SEPTIN14: variants seen among roughly 807,000 people sequenced by gnomAD.
SEPTIN14 encodes the protein septin 14.
In SEPTIN14, 40 loss-of-function variants were observed where a neutral mutation model predicts 53.6. The observed-to-expected ratio is 0.75, with a 90% CI of 0.58 to 0.97. The LOEUF is 0.97. Ranked by LOEUF, SEPTIN14 falls within the 50% of genes least tolerant of loss-of-function variation. The probability of loss-of-function intolerance (pLI) is 0.00; values close to 1 mark genes in which losing one functional copy is unlikely to be tolerated. For synonymous variants in SEPTIN14, 138 were observed against 166.8 expected, an observed-to-expected ratio of 0.83 and a Z score of 1.33; for missense variants, 471 against 508.2, an observed-to-expected ratio of 0.93 and a Z score of 0.70.
At position 55,847,782 on chromosome 7, in the gene SEPTIN14, G is replaced by A. The variant is rs1007542941; in HGVS notation, c.55-1145C>T. ...ACCCTCTGAGGACTTGTGTTATATC[G>A]AAGAAATCTACTACTAATAACACCA... On this transcript the variant is annotated intron_variant, in intron 2 of 9. Transcript: ENST00000388975. Among the ~76,000 whole-genome samples the A allele has an allele frequency of 3.3e-5, 5 of 151,960 alleles. No individual in the cohort carries two copies. In the East Asian group the frequency reaches 7.7e-4, roughly 23 times the overall value.
At chr7:55,854,362 AG>A (rs1017409397) in intron 2 of SEPTIN14, among the ~76,000 whole-genome samples, 1 of 152,194 alleles carries the variant, frequency 6.6e-6, no homozygotes, top group African/African-American at 2.4e-5. Context: ...TAAACATCTG[AG>A]TGCTTTCTTC....
At chr7:55,852,595 A>T (rs1251163049) in intron 2 of SEPTIN14, among the ~76,000 whole-genome samples, 2 of 152,202 alleles carry the variant, frequency 1.3e-5, no homozygotes, top group African/African-American at 4.8e-5. Context: ...CTAAAAGAAA[A>T]GATTGGGGAA....
chr7:55,814,291 A>T (rs1235595363), intron 7 of SEPTIN14, among the ~76,000 whole-genome samples: 1 of 152,192 alleles, frequency 6.6e-6, no homozygotes, highest in Non-Finnish European at 1.5e-5. Context: ...CAATGCCCAG[A>T]CATAGATGAA....
chr7:55,796,387 C>T (rs955469922), intron 9 of SEPTIN14, among the ~76,000 whole-genome samples: 4 of 152,142 alleles, frequency 2.6e-5, no homozygotes, highest in Non-Finnish European at 4.4e-5. Flanking sequence ...CTTAGCCTCC[C>T]GAGAAGCTGG....
chr7:55,822,938 TAACTCACA>T (rs1444499987), intron 6 of SEPTIN14, among the ~76,000 whole-genome samples: 1 of 149,492 alleles, frequency 6.7e-6, no homozygotes, highest in Non-Finnish European at 1.5e-5. Flanking sequence ...CCTGCACAAA[TAACTCACA>T]ATCTTCCTGT....
At chr7:55,812,058 G>C (rs1313054424) in intron 7 of SEPTIN14, among the ~76,000 whole-genome samples, 1 of 152,276 alleles carries the variant, frequency 6.6e-6, no homozygotes, top group East Asian at 1.9e-4. Flanking sequence ...GCCTCCCAAA[G>C]TGCTGGGATT....
chr7:55,862,220 G>A (rs1320561225), intron 1 of SEPTIN14, among the ~76,000 whole-genome samples: 1 of 152,080 alleles, frequency 6.6e-6, no homozygotes, highest in Non-Finnish European at 1.5e-5. Flanking sequence ...TTATAATGTA[G>A]AGTAATACAT....
At chr7:55,828,186 A>G (rs1789023479) in intron 6 of SEPTIN14, among the ~76,000 whole-genome samples, 1 of 152,074 alleles carries the variant, frequency 6.6e-6, no homozygotes, top group Non-Finnish European at 1.5e-5. Context: ...GAAAATCAAC[A>G]CAAAGATACC....
intron 4 of SEPTIN14, 22 bp downstream of exon 4, chr7:55,844,501 A>G: frequency 7.2e-7 from 1 of 1,379,606 alleles, no homozygotes; most frequent in Non-Finnish European, 9.7e-7. Context: ...ACCTTTTTTA[A>G]TTTAAATAAG....
chr7:55,821,055 C>G (rs1214013498), intron 6 of SEPTIN14, among the ~76,000 whole-genome samples: 2 of 152,140 alleles, frequency 1.3e-5, no homozygotes, highest in African/African-American at 4.8e-5. Flanking sequence ...TATTACTGCC[C>G]TGATTCCAGA....
intron 7 of SEPTIN14, chr7:55,811,161 T>C: frequency 2.0e-6 from 1 of 498,922 alleles, no homozygotes; most frequent in Non-Finnish European, 4.0e-6. Context: ...TTCCAAGCCC[T>C]GTTTGTTTCC....
chr7:55,806,561 T>C (rs1788614346), intron 8 of SEPTIN14, among the ~76,000 whole-genome samples: 1 of 151,810 alleles, frequency 6.6e-6, no homozygotes, highest in South Asian at 2.1e-4. Flanking sequence ...CCTCCAGGGT[T>C]CAAGCGATTC....
chr7:55,827,897 C>T (rs1427096197), intron 6 of SEPTIN14, among the ~76,000 whole-genome samples: 1 of 152,100 alleles, frequency 6.6e-6, no homozygotes, highest in Non-Finnish European at 1.5e-5. Context: ...AAGCCCCCTA[C>T]CCAATATATG....
At chr7:55,830,796 CA>C (rs1789095832) in intron 6 of SEPTIN14, among the ~76,000 whole-genome samples, 1 of 151,642 alleles carries the variant, frequency 6.6e-6, no homozygotes, top group Non-Finnish European at 1.5e-5. Context: ...CTAAATAGAC[CA>C]ATAACAAGTA....
intron 9 of SEPTIN14, among the ~76,000 whole-genome samples, chr7:55,804,309 G>A (rs1050225035): frequency 6.6e-6 from 1 of 150,426 alleles, no homozygotes; most frequent in Non-Finnish European, 1.5e-5. Flanking sequence ...GCCCAGGCTG[G>A]AGGCAGTGGC....
intron 9 of SEPTIN14, among the ~76,000 whole-genome samples, chr7:55,797,759 A>T (rs749222549): frequency 1.3e-5 from 2 of 152,194 alleles, no homozygotes; most frequent in Non-Finnish European, 2.9e-5. Context: ...ACCTGAGGTC[A>T]GGAGGTCAAG....
intron 2 of SEPTIN14, among the ~76,000 whole-genome samples, chr7:55,854,453 G>A (rs377079620): frequency 6.6e-6 from 1 of 150,892 alleles, no homozygotes; most frequent in African/African-American, 2.4e-5. Flanking sequence ...TTTTTGAGAC[G>A]GAGTCTCGCT....
At chr7:55,801,129 C>T (rs528877582) in intron 9 of SEPTIN14, among the ~76,000 whole-genome samples, 8 of 151,906 alleles carry the variant, frequency 5.3e-5, no homozygotes, top group African/African-American at 1.9e-4. Context: ...AATGTAATTT[C>T]ACACCTCAAA....
chr7:55,855,131 C>T (rs1789593791), intron 2 of SEPTIN14, among the ~76,000 whole-genome samples: 1 of 151,948 alleles, frequency 6.6e-6, no homozygotes, highest in Non-Finnish European at 1.5e-5. Flanking sequence ...CTCTCAGCCT[C>T]CCAAGTAGCT....
Sources: allele counts gnomAD v4.1 joint callset (sites outside exome capture counted in the v4.1 genomes callset), GRCh38; gene constraint gnomAD v4.1.1; transcripts MANE v1.5; gene names NCBI Gene and HGNC (gene_info 2026-07-23, HGNC 2026-07-21).